Variants in MPDZ observed in about 807,000 individuals in gnomAD.
The protein encoded by MPDZ is multiple PDZ domain crumbs cell polarity complex component.
In MPDZ, 234 loss-of-function variants were observed where a neutral mutation model predicts 239.1. The observed-to-expected ratio is 0.98, with a 90% CI of 0.88 to 1.09. The LOEUF (loss-of-function observed/expected upper bound fraction) is 1.09. Among genes scored for constraint, MPDZ ranks in the 50% least tolerant of loss-of-function variants. The pLI is 0.00. For missense variants in MPDZ, 3,175 were observed against 2,510.0 expected, an observed-to-expected ratio of 1.26 and a Z score of -5.66; for synonymous variants, 1,048 against 881.3, an observed-to-expected ratio of 1.19 and a Z score of -3.35.
chr9:13,187,546 T>C (rs1263282590), intron 17 of MPDZ, among the ~76,000 whole-genome samples: 1 of 152,186 alleles, frequency 6.6e-6, no homozygotes, highest in African/African-American at 2.4e-5. Context: ...GATTAACATA[T>C]TCTTCAATCA....
chr9:13,216,646 A>C (rs1170234868), intron 10 of MPDZ, 128 bp downstream of exon 10: 2 of 580,058 alleles, frequency 3.4e-6, no homozygotes, highest in Admixed American at 3.3e-5. Flanking sequence ...TTGTAATAAT[A>C]GCCTCAAGTC....
chr9:13,226,656 G>A (rs1327270346), intron 3 of MPDZ, among the ~76,000 whole-genome samples: 4 of 152,016 alleles, frequency 2.6e-5, no homozygotes, highest in Non-Finnish European at 1.5e-5. Context: ...AACTTACTGT[G>A]CCCTGTTTTA....
chr9:13,189,111 T>C, intron 16 of MPDZ, 118 bp from the exon 17 acceptor site: 1 of 828,590 alleles, frequency 1.2e-6, no homozygotes, highest in East Asian at 2.7e-5. Flanking sequence ...AAAATTTTCA[T>C]GCCAAAAAAA....
At chr9:13,156,872 T>A (rs1949888584) in intron 24 of MPDZ, among the ~76,000 whole-genome samples, 1 of 152,072 alleles carries the variant, frequency 6.6e-6, no homozygotes, top group African/African-American at 2.4e-5. Flanking sequence ...CAGAATATAT[T>A]TTCTGCCACA....
At chr9:13,165,376 G>A in intron 22 of MPDZ, 1 of 1,549,516 alleles carries the variant, frequency 6.5e-7, no homozygotes, top group Non-Finnish European at 8.7e-7. Context: ...CACATAAAAG[G>A]GGGCTCGATC....
intron 12 of MPDZ, among the ~76,000 whole-genome samples, chr9:13,203,141 T>C (rs1028767524): frequency 6.6e-6 from 1 of 152,180 alleles, no homozygotes; most frequent in African/African-American, 2.4e-5. Flanking sequence ...CCCAAACATA[T>C]GTACAATTAT....
At chr9:13,122,544 G>A (rs1006206108) in intron 36 of MPDZ, among the ~76,000 whole-genome samples, 23 of 135,228 alleles carry the variant, frequency 1.7e-4, no homozygotes, top group South Asian at 5.3e-4. Context: ...TTTTTGAGAC[G>A]TAGTCTCACT....
chr9:13,206,554 A>AC (rs1564028386), intron 10 of MPDZ, among the ~76,000 whole-genome samples: 2 of 138,880 alleles, frequency 1.4e-5, no homozygotes, highest in Non-Finnish European at 3.1e-5. Flanking sequence ...ACACGTGGCT[A>AC]TTTTTTTTTT....
chr9:13,268,621 G>A (rs1972312478), intron 1 of MPDZ, among the ~76,000 whole-genome samples: 1 of 152,184 alleles, frequency 6.6e-6, no homozygotes, highest in Admixed American at 6.5e-5. Context: ...GAAAGAATTT[G>A]TAAGAGATAT....
At chr9:13,144,933 T>C (rs1434840032) in intron 26 of MPDZ, among the ~76,000 whole-genome samples, 2 of 152,080 alleles carry the variant, frequency 1.3e-5, no homozygotes, top group African/African-American at 4.8e-5. Context: ...TTCAATGCTA[T>C]GGAAGGTGGA....
rs756714554 is a variant in MPDZ at position 13,125,409 on chromosome 9, G to A, written c.4633-19C>T. 2 of 1,601,052 alleles carry A rather than the reference G, an allele frequency of 1.2e-6. No homozygotes were observed. Among genetic ancestry groups the A allele is most frequent in the South Asian group, 1.1e-5 (1 of 89,874 alleles). On this transcript the variant is annotated intron_variant, in intron 34 of 46. Transcript: ENST00000319217. ...TAATAAACTGGCAGGGTGTATGTGT[G>A]GAAGAGAAACAAAATTCAAAGCTGA... is the stretch of plus-strand genomic sequence containing the variant.
intron 21 of MPDZ, among the ~76,000 whole-genome samples, chr9:13,171,007 G>C (rs1056732549): frequency 6.6e-6 from 1 of 152,080 alleles, no homozygotes; most frequent in Admixed American, 6.6e-5. Flanking sequence ...TTTGTAAATA[G>C]AGAACTGGTT....
chr9:13,126,666 A>C lies in MPDZ; in HGVS notation c.4557+14T>G. ...CCCCAACTACTTAATGACAGCAAGA[A>C]AGGTAAACCTCACCGTGGCTGCTAC... is the stretch of plus-strand genomic sequence containing the variant. On this transcript the variant is annotated intron_variant, in intron 33 of 46. Coordinates refer to ENST00000319217, the MANE Select transcript of MPDZ (RefSeq NM_001378778.1). 6.2e-7 allele frequency: 1 copy of C among 1,613,112 alleles called. No individual in the cohort carries two copies. The highest frequency in any genetic ancestry group is 1.7e-5 in the Admixed American group (1 of 60,012).
At chr9:13,114,486 G>A (rs1196367408) in intron 40 of MPDZ, among the ~76,000 whole-genome samples, 1 of 152,172 alleles carries the variant, frequency 6.6e-6, no homozygotes, top group Non-Finnish European at 1.5e-5. Flanking sequence ...AAGAGGTCTT[G>A]TCAAGAGTCT....
At chr9:13,151,493 AC>A (rs2133078727) in intron 24 of MPDZ, among the ~76,000 whole-genome samples, 1 of 152,266 alleles carries the variant, frequency 6.6e-6, no homozygotes, top group African/African-American at 2.4e-5. Context: ...ATATGAATAA[AC>A]CTTGAAGACA....
intron 1 of MPDZ, among the ~76,000 whole-genome samples, chr9:13,278,347 G>A (rs1474225414): frequency 2.8e-4 from 42 of 152,052 alleles, no homozygotes; most frequent in Admixed American, 2.7e-3. Context: ...CTCAAAAGCC[G>A]CACCGCGCAG....
chr9:13,258,131 T>C (rs966148708), intron 1 of MPDZ, among the ~76,000 whole-genome samples: 3 of 152,148 alleles, frequency 2.0e-5, no homozygotes, highest in African/African-American at 4.8e-5. Context: ...TATTTAGAAA[T>C]AGGAACTGAT....
In MPDZ at chr9:13,236,267, ATTTTTTTTTT is replaced by A. The variant is rs1158772302; in HGVS notation, c.183+11358_183+11367del. Among the ~76,000 whole-genome samples the A allele has an allele frequency of 2.1e-3, 42 of 20,078 alleles. 1 individual carries two copies. Among genetic ancestry groups the A allele is most frequent in the South Asian group, 0.012 (5 of 412 alleles). The allele number at this position is 20,078 out of a possible 152,430, so 13.2% of individuals were successfully genotyped here. ...TGTGTGTGTATATATATATATATAT[ATTTTTTTTTT>A]TTTTTTTTTTTTTTTTTGAGACAGA... On this transcript the variant is annotated intron_variant, in intron 3 of 46. Coordinates refer to ENST00000319217, the MANE Select transcript of MPDZ (RefSeq NM_001378778.1).
intron 12 of MPDZ, among the ~76,000 whole-genome samples, chr9:13,204,789 G>A (rs1315086786): frequency 1.3e-5 from 2 of 152,094 alleles, no homozygotes; most frequent in African/African-American, 4.8e-5. Flanking sequence ...ATGGAAGTAA[G>A]AATAGATTGA....
Sources: allele counts gnomAD v4.1 joint callset (sites outside exome capture counted in the v4.1 genomes callset), GRCh38; gene constraint gnomAD v4.1.1; transcripts MANE v1.5; gene names NCBI Gene and HGNC (gene_info 2026-07-23, HGNC 2026-07-21).